The following KIRREL3 variants were observed in gnomAD, a reference collection of about 807,000 sequenced individuals.
The protein encoded by KIRREL3 is kin of IRRE-like protein 3.
In KIRREL3, 36 loss-of-function variants were observed where a neutral mutation model predicts 89.7. That is an observed-to-expected ratio of 0.40 (90% CI 0.31 to 0.53). KIRREL3 has a LOEUF of 0.53. Among genes scored for constraint, KIRREL3 ranks in the 20% least tolerant of loss-of-function variants. The pLI, the probability that KIRREL3 is intolerant of heterozygous loss-of-function variation, is 0.49. For synonymous variants in KIRREL3, 445 were observed against 441.4 expected, an observed-to-expected ratio of 1.01 and a Z score of -0.10; for missense variants, 864 against 1,056.6, an observed-to-expected ratio of 0.82 and a Z score of 2.53.
chr11:126,446,323 C>T lies in KIRREL3; in HGVS notation c.1125+436G>A, dbSNP rs375022988. Among the ~76,000 whole-genome samples the T allele has an allele frequency of 1.1e-3, 157 of 146,986 alleles. 2 individuals carry two copies. Among genetic ancestry groups the T allele is most frequent in the African/African-American group, 3.9e-3 (151 of 39,214 alleles). On this transcript the variant is annotated intron_variant, in intron 9 of 16. Transcript: ENST00000525144. ...CTTTCTCTCTCTCTCTTCCTTTCTT[C>T]CTTTCTTTCTTTCCTTTCTTCTTCT... is the stretch of plus-strand genomic sequence containing the variant.
Position 126,641,455 on chromosome 11 carries a change from C to A in KIRREL3, c.56-78543G>T, listed in dbSNP as rs182318057. ...TCATGAGTTTTACAGATTCTGGCTA[C>A]AAATACCTGAGGTAAAAGGATACCT... On this transcript the variant is annotated intron_variant, in intron 1 of 16. Transcript: ENST00000525144. This position sits in a 1 kb window ranked among gnomAD's most constrained non-coding sequence, Gnocchi z 5.0. Among the ~76,000 whole-genome samples the A allele has an allele frequency of 8.0e-4, 121 of 152,166 alleles. No individual in the cohort carries two copies. The highest frequency in any genetic ancestry group is 2.4e-3 in the African/African-American group (101 of 41,506).
At position 126,455,347 on chromosome 11, in the gene KIRREL3, C is replaced by G. The variant is rs183701916; in HGVS notation, c.848+1002G>C. Among the ~76,000 whole-genome samples, 32 of 152,172 alleles carry G rather than the reference C, an allele frequency of 2.1e-4. No homozygotes were observed. The highest frequency in any genetic ancestry group is 1.0e-4 in the Non-Finnish European group (7 of 68,030). On this transcript the variant is annotated intron_variant, in intron 7 of 16. Coordinates refer to ENST00000525144, the MANE Select transcript of KIRREL3 (RefSeq NM_032531.4). This position sits in a 1 kb window ranked among gnomAD's most constrained non-coding sequence, Gnocchi z 6.4. ...CAGGCAGAAAGGCGCCCAGAGGAAG[C>G]GTGTGTTTATTGGATCAGTCAGACA...
At chr11:126,986,456 C>T (rs1470864827) in intron 1 of KIRREL3, among the ~76,000 whole-genome samples, 1 of 152,090 alleles carries the variant, frequency 6.6e-6, no homozygotes, top group Non-Finnish European at 1.5e-5. Flanking sequence ...CCTTTATGGA[C>T]AAGAGCATCT....
At position 126,747,491 on chromosome 11, in the gene KIRREL3, T is replaced by C. The variant is rs114925225; in HGVS notation, c.56-184579A>G. Among the ~76,000 whole-genome samples, 1,489 of 152,076 alleles carry C rather than the reference T, an allele frequency of 9.8e-3. 27 individuals are homozygous for C. Among genetic ancestry groups the C allele is most frequent in the African/African-American group, 0.034 (1,417 of 41,472 alleles). ...GCCACTACCTGGGACTGTCTTTCCT[T>C]AATTAGAAAACTCCTATTCATCCAT... On this transcript the variant is annotated intron_variant, in intron 1 of 16. Coordinates refer to ENST00000525144, the MANE Select transcript of KIRREL3 (RefSeq NM_032531.4). This position sits in a 1 kb window ranked among gnomAD's most constrained non-coding sequence, Gnocchi z 4.7.
Position 126,666,951 on chromosome 11 carries a change from GA to G in KIRREL3, c.56-104040del, listed in dbSNP as rs1452425992. On this transcript the variant is annotated intron_variant, in intron 1 of 16. Transcript: ENST00000525144. The surrounding 1 kb of genome is among the most constrained non-coding windows in gnomAD (Gnocchi z 4.2). The stretch of plus-strand genomic sequence containing the variant: ...GCATTTCCTAGTCCTACAAGATTCA[GA>G]TCCCTGATGTGGAGCCAAGGAAAGG... Among the ~76,000 whole-genome samples the G allele has an allele frequency of 2.0e-5, 3 of 152,336 alleles. No individual in the cohort carries two copies. The highest frequency in any genetic ancestry group is 7.2e-5 in the African/African-American group (3 of 41,586).
At chr11:126,460,740 T>A (rs1183459242) in intron 6 of KIRREL3, among the ~76,000 whole-genome samples, 1 of 152,082 alleles carries the variant, frequency 6.6e-6, no homozygotes, top group Non-Finnish European at 1.5e-5. Flanking sequence ...GAAGGCCGGG[T>A]GGGCTGTGGT....
chr11:126,963,310 T>TAC (rs10626906), intron 1 of KIRREL3, among the ~76,000 whole-genome samples: 115,539 of 146,082 alleles, frequency 0.79, 45,493 homozygotes, highest in Middle Eastern at 0.89. Context: ...AGAACACACA[T>TAC]ACACACACAC....
At chr11:126,787,303 G>A (rs1205014304) in intron 1 of KIRREL3, among the ~76,000 whole-genome samples, 2 of 152,146 alleles carry the variant, frequency 1.3e-5, no homozygotes, top group Admixed American at 1.3e-4. Context: ...CTTTATGTGT[G>A]GGGAGTTTGC....
chr11:126,613,893 T>TTTTTTTTTTTTG (rs371748740), intron 1 of KIRREL3, among the ~76,000 whole-genome samples: 7 of 118,642 alleles, frequency 5.9e-5, no homozygotes, highest in Admixed American at 3.0e-4. Context: ...TTTTTTTTTT[T>TTTTTTTTTTTTG]ATTTTTTTCC....
rs111327131 is a variant in KIRREL3, at chr11:126,953,158, A to G, written c.55+47297T>C. Among the ~76,000 whole-genome samples the G allele has an allele frequency of 3.3e-3, 499 of 152,360 alleles. No individual in the cohort carries two copies. The highest frequency in any genetic ancestry group is 0.011 in the African/African-American group (478 of 41,592). On this transcript the variant is annotated intron_variant, in intron 1 of 16. Transcript: ENST00000525144. This position sits in a 1 kb window ranked among gnomAD's most constrained non-coding sequence, Gnocchi z 5.2. ...CCATGGAATTCTATGCAGCCATAAA[A>G]AAGAATGAGTTCATGTCCTTTGCAG...
intron 1 of KIRREL3, chr11:126,937,243 GCCTC>G (rs1948227048): frequency 6.6e-6 from 1 of 152,170 alleles, no homozygotes; most frequent in South Asian, 2.1e-4. Context: ...CCTTCCAAAT[GCCTC>G]CCATTTATCT....
At position 126,917,590 on chromosome 11, in the gene KIRREL3, G is replaced by A. The variant is rs1323123085; in HGVS notation, c.55+82865C>T. On this transcript the variant is annotated intron_variant, in intron 1 of 16. Transcript: ENST00000525144. This position sits in a 1 kb window ranked among gnomAD's most constrained non-coding sequence, Gnocchi z 5.0. The stretch of plus-strand genomic sequence containing the variant: ...TCTCTTAGAGCACTGCTCAGTTGTA[G>A]GCTGTGTGGGGAGTGAGTAATGATC... Among the ~76,000 whole-genome samples, 1 of 152,178 alleles carries A rather than the reference G, an allele frequency of 6.6e-6. No homozygotes were observed. Among genetic ancestry groups the A allele is most frequent in the Non-Finnish European group, 1.5e-5 (1 of 68,042 alleles).
At position 126,424,318 on chromosome 11, in the gene KIRREL3, C is replaced by G. The variant is rs1267200071; in HGVS notation, c.*262G>C. On this transcript the variant is annotated 3_prime_UTR_variant, in exon 17 of 17. Coordinates refer to ENST00000525144, the MANE Select transcript of KIRREL3 (RefSeq NM_032531.4). The stretch of plus-strand genomic sequence containing the variant: ...GGGGCCTCCAGGAAAGGGCCGGGGA[C>G]ACGGGTGTCCAGCACTAAGCACAGC... The G allele has an allele frequency of 1.9e-6, 1 of 539,248 alleles. No homozygotes were observed. Among genetic ancestry groups the G allele is most frequent in the Admixed American group, 3.2e-5 (1 of 31,704 alleles). 33.4% of individuals were successfully genotyped at this position (539,248 alleles called of 1,614,324 possible).
rs113580360 is a variant in KIRREL3, at chr11:126,905,765, A to G, written c.55+94690T>C. ...CCACAGCCTGACAACACAGAGCCCT[A>G]TCTGCCGCTGCCAGTTCGGGCGGAT... is the stretch of plus-strand genomic sequence containing the variant. On this transcript the variant is annotated intron_variant, in intron 1 of 16. Transcript: ENST00000525144. This position sits in a 1 kb window ranked among gnomAD's most constrained non-coding sequence, Gnocchi z 5.0. 1.2e-3 allele frequency among the ~76,000 whole-genome samples: 185 copies of G among 152,168 alleles called. 1 individual carries two copies. The highest frequency in any genetic ancestry group is 9.0e-4 in the Non-Finnish European group (61 of 68,026).
At chr11:126,451,474 ATGTGTGTGTGCGCATG>A (rs1956157281) in intron 7 of KIRREL3, among the ~76,000 whole-genome samples, 17 of 116,596 alleles carry the variant, frequency 1.5e-4, no homozygotes, top group African/African-American at 5.7e-4. Context: ...GGGCATGTGC[ATGTGTGTGTGCGCATG>A]TGTGTGCATG....
chr11:126,599,718 C>A (rs553656152), intron 1 of KIRREL3, among the ~76,000 whole-genome samples: 2 of 152,330 alleles, frequency 1.3e-5, no homozygotes, highest in Admixed American at 6.5e-5. Flanking sequence ...GAAACTCCCT[C>A]ATCTCTGGTC....
chr11:126,441,539 C>T lies in KIRREL3; in HGVS notation c.1253-990G>A, dbSNP rs1565453389. Among the ~76,000 whole-genome samples the T allele has an allele frequency of 6.6e-6, 1 of 152,228 alleles. No individual in the cohort carries two copies. Among genetic ancestry groups the T allele is most frequent in the Non-Finnish European group, 1.5e-5 (1 of 68,042 alleles). On this transcript the variant is annotated intron_variant, in intron 10 of 16. Coordinates refer to ENST00000525144, the MANE Select transcript of KIRREL3 (RefSeq NM_032531.4). This position sits in a 1 kb window ranked among gnomAD's most constrained non-coding sequence, Gnocchi z 5.0. ...GGGAGTAGGGACGGAAACTGTCATGCTCCCTTTCCAATCCCTGGGGTCACA... is the reference window on the plus strand; with the variant it reads ...GGGAGTAGGGACGGAAACTGTCATGTTCCCTTTCCAATCCCTGGGGTCACA...
chr11:126,577,983 C>T (rs897870319), intron 1 of KIRREL3, among the ~76,000 whole-genome samples: 2 of 152,114 alleles, frequency 1.3e-5, no homozygotes, highest in African/African-American at 2.4e-5. Flanking sequence ...TCCCTTGGAT[C>T]GTTCTAAAGA....
intron 1 of KIRREL3, among the ~76,000 whole-genome samples, chr11:126,743,418 A>G (rs1051869294): frequency 6.6e-6 from 1 of 152,230 alleles, no homozygotes; most frequent in Non-Finnish European, 1.5e-5. Flanking sequence ...CATGATACTC[A>G]ACAATAATTT....
Sources: gnomAD v4.1 joint callset for allele counts (sites outside exome capture counted in the v4.1 genomes callset) on GRCh38, gnomAD v4.1.1 for gene constraint, Gnocchi (gnomAD v3.1) non-coding constraint, MANE v1.5 for transcripts, NCBI Gene and HGNC (gene_info 2026-07-23, HGNC 2026-07-21) for gene names.